The following DAB1 variants were observed in gnomAD, a reference collection of about 807,000 sequenced individuals.
DAB1 encodes DAB adaptor protein 1.
Under a neutral mutation model 64.6 loss-of-function variants are expected in DAB1, and 15 were observed. The ratio of observed to expected loss-of-function variants is 0.23; its 90% CI spans 0.16 to 0.36. DAB1 has a LOEUF of 0.36. DAB1 is among the 10% of genes least tolerant of loss of function. DAB1 has a pLI of 1.00. For missense variants in DAB1, 596 were observed against 706.7 expected (o/e 0.84, Z 1.78); for synonymous variants, 235 against 251.9 (o/e 0.93, Z 0.64).
rs535497181 is a variant in DAB1, at chr1:57,637,098, A to G, written n.625+12494T>C. Among the ~76,000 whole-genome samples the G allele has an allele frequency of 3.3e-5, 5 of 152,284 alleles. No homozygotes were observed. In the South Asian group the frequency reaches 8.3e-4, roughly 25 times the overall value. Reference sequence around the variant, plus strand: ...TTTTTCTTCTTTGTGCTTTACTAATATTTCATACCATTTAAAAATGGGATA... The same window carrying G: ...TTTTTCTTCTTTGTGCTTTACTAATGTTTCATACCATTTAAAAATGGGATA... On this transcript the variant is annotated intron_variant and non_coding_transcript_variant, in intron 7 of 20. Transcript: ENST00000485760.
chr1:58,321,119 C>T (rs1405099859), intron 4 of DAB1, among the ~76,000 whole-genome samples: 2 of 152,200 alleles, frequency 1.3e-5, no homozygotes, highest in African/African-American at 4.8e-5. Flanking sequence ...ACCTCATCAT[C>T]CCCTCTTGCC....
At position 58,096,444 on chromosome 1, in the gene DAB1, G is replaced by GA. The variant is rs1650987451; in HGVS notation, n.387+54066_387+54067insT. ...TCAATGCATATGCTTTGTGATAGCT[G>GA]TTTCAGCCGTGGTGTGAGATCACTT... On this transcript the variant is annotated intron_variant and non_coding_transcript_variant, in intron 5 of 20. Transcript: ENST00000485760. Among the ~76,000 whole-genome samples, 4 of 152,200 alleles carry GA rather than the reference G, an allele frequency of 2.6e-5. No homozygotes were observed. In the South Asian group the frequency reaches 8.3e-4, roughly 32 times the overall value.
intron 1 of DAB1, among the ~76,000 whole-genome samples, chr1:57,311,299 G>A (rs1381155814): frequency 6.6e-6 from 1 of 152,140 alleles, no homozygotes; most frequent in Non-Finnish European, 1.5e-5. Context: ...CAATCTGAAG[G>A]TGGCAAGATT....
rs182476226 is a variant in DAB1 at position 58,167,862 on chromosome 1, C to T, written n.310-17274G>A. ...CGCCAGAAGGAAGAAACTCCAGACACATCTGAACATCTGAAGGAACAAACT... is the reference window on the plus strand; with the variant it reads ...CGCCAGAAGGAAGAAACTCCAGACATATCTGAACATCTGAAGGAACAAACT... On this transcript the variant is annotated intron_variant and non_coding_transcript_variant, in intron 4 of 20. Coordinates refer to the DAB1 transcript ENST00000485760. Among the ~76,000 whole-genome samples, 67 of 152,308 alleles carry T rather than the reference C, an allele frequency of 4.4e-4. 1 individual carries two copies. The highest frequency in any genetic ancestry group is 1.5e-3 in the African/African-American group (62 of 41,572).
intron 2 of DAB1, among the ~76,000 whole-genome samples, chr1:57,189,026 G>T (rs988121612): frequency 1.3e-5 from 2 of 152,148 alleles, no homozygotes; most frequent in Non-Finnish European, 2.9e-5. Flanking sequence ...AGGGTGGGGA[G>T]TAGAAATTCC....
intron 5 of DAB1, among the ~76,000 whole-genome samples, chr1:57,987,041 C>A (rs1272447590): frequency 3.3e-5 from 5 of 152,154 alleles, no homozygotes; most frequent in African/African-American, 1.2e-4. Flanking sequence ...TTTCTGACCC[C>A]AGGGCCCATG....
Position 58,100,411 on chromosome 1 carries a change from A to C in DAB1, n.387+50100T>G, listed in dbSNP as rs973043959. On this transcript the variant is annotated intron_variant and non_coding_transcript_variant, in intron 5 of 20. Transcript: ENST00000485760. Reference sequence around the variant, plus strand: ...TTTATTCCTCTTTAAGGGGTGAATAATATTTCACTGTATATATATACCTGT... The same window carrying C: ...TTTATTCCTCTTTAAGGGGTGAATACTATTTCACTGTATATATATACCTGT... Among the ~76,000 whole-genome samples, 3 of 152,280 alleles carry C rather than the reference A, an allele frequency of 2.0e-5. 1 individual carries two copies. In the South Asian group the frequency reaches 6.2e-4, roughly 32 times the overall value.
At chr1:57,488,726 T>A (rs1236278107) in intron 7 of DAB1, among the ~76,000 whole-genome samples, 2 of 151,822 alleles carry the variant, frequency 1.3e-5, no homozygotes, top group Admixed American at 1.3e-4. Context: ...ATTATATAGG[T>A]GCTGCACTGC....
chr1:58,455,678 G>T (rs1010163296), intron 3 of DAB1, among the ~76,000 whole-genome samples: 1 of 152,168 alleles, frequency 6.6e-6, no homozygotes, highest in African/African-American at 2.4e-5. Context: ...AGAATCTTAG[G>T]CTGGTTACTT....
At chr1:57,231,444 C>T (rs566661385) in intron 2 of DAB1, among the ~76,000 whole-genome samples, 4 of 152,288 alleles carry the variant, frequency 2.6e-5, no homozygotes, top group South Asian at 4.1e-4. Flanking sequence ...CATGTCTGTA[C>T]ACCCTCTATC....
At chr1:57,226,725 T>C (rs1667299589) in intron 2 of DAB1, among the ~76,000 whole-genome samples, 1 of 147,158 alleles carries the variant, frequency 6.8e-6, no homozygotes, top group South Asian at 2.1e-4. Context: ...GGAAACAGGC[T>C]GAGAAAGGTT....
At chr1:57,644,685 T>A (rs980803774) in intron 7 of DAB1, among the ~76,000 whole-genome samples, 5 of 151,182 alleles carry the variant, frequency 3.3e-5, no homozygotes, top group Non-Finnish European at 5.9e-5. Flanking sequence ...ATATATATAT[T>A]TTATAACTAT....
intron 3 of DAB1, among the ~76,000 whole-genome samples, chr1:58,427,403 G>A (rs1452534840): frequency 6.6e-6 from 1 of 152,164 alleles, no homozygotes; most frequent in African/African-American, 2.4e-5. Flanking sequence ...TATTTGAACA[G>A]CACCACCAAG....
chr1:57,392,174 C>G (rs1023758337), intron 1 of DAB1, among the ~76,000 whole-genome samples: 3 of 152,110 alleles, frequency 2.0e-5, no homozygotes, highest in Non-Finnish European at 4.4e-5. Flanking sequence ...GAGATCGAGA[C>G]CAGCCATGGC....
intron 1 of DAB1, among the ~76,000 whole-genome samples, chr1:58,531,008 T>A (rs995285449): frequency 1.3e-5 from 2 of 152,330 alleles, no homozygotes; most frequent in African/African-American, 4.8e-5. Flanking sequence ...GGCATAATAA[T>A]CTTGTGAAAT....
chr1:58,003,539 G>A (rs952713154), intron 5 of DAB1, among the ~76,000 whole-genome samples: 1 of 152,140 alleles, frequency 6.6e-6, no homozygotes, highest in Non-Finnish European at 1.5e-5. Flanking sequence ...AGCTTGTTAG[G>A]ACCCCTTTAT....
At chr1:57,953,485 T>C (rs1315553838) in intron 5 of DAB1, among the ~76,000 whole-genome samples, 3 of 152,226 alleles carry the variant, frequency 2.0e-5, no homozygotes, top group African/African-American at 4.8e-5. Context: ...AGGACTTCTC[T>C]AGCCCTAAAA....
chr1:58,075,949 GCACA>G (rs142916993), intron 5 of DAB1, among the ~76,000 whole-genome samples: 9,019 of 150,430 alleles, frequency 0.06, 315 homozygotes, highest in Middle Eastern at 0.092. Flanking sequence ...TCTCTCACAG[GCACA>G]CACACACACA....
chr1:58,066,540 T>C (rs1648864398), intron 5 of DAB1, among the ~76,000 whole-genome samples: 1 of 152,226 alleles, frequency 6.6e-6, no homozygotes, highest in African/African-American at 2.4e-5. Flanking sequence ...TTAATTCTCA[T>C]AATCTCACAA....
Sources: allele counts gnomAD v4.1 joint callset (sites outside exome capture counted in the v4.1 genomes callset), GRCh38; gene constraint gnomAD v4.1.1; transcripts MANE v1.5; gene names NCBI Gene and HGNC (gene_info 2026-07-23, HGNC 2026-07-21).